The following GBE1 variants were observed in gnomAD, a reference collection of about 807,000 sequenced individuals.
GBE1 encodes the protein 1,4-alpha-glucan branching enzyme 1, also known as 1,4-alpha-glucan-branching enzyme.
GBE1 carries 70 observed loss-of-function variants against 88.8 expected under a neutral mutation model. That is an observed-to-expected ratio of 0.79 (90% confidence interval 0.65 to 0.96). The LOEUF (loss-of-function observed/expected upper bound fraction) is 0.96, where lower values mean the gene tolerates loss of function less well. Ranked by LOEUF, GBE1 falls within the 40% of genes least tolerant of loss-of-function variation. The pLI is 0.00. For missense variants in GBE1, 872 were observed against 871.0 expected (o/e 1.00, Z -0.01); for synonymous variants, 284 against 300.1 (o/e 0.95, Z 0.56).
chr3:81,725,339 A>G (rs1415978220), intron 1 of GBE1, among the ~76,000 whole-genome samples: 1 of 151,824 alleles, frequency 6.6e-6, no homozygotes, highest in African/African-American at 2.4e-5. Flanking sequence ...CTTTCCTTAT[A>G]TCTTTTGGCC....
Position 81,490,063 on chromosome 3 carries a change from T to A in GBE1, c.*344A>T, listed in dbSNP as rs1702417051. ...TACTGTGTACATTTAACAGAAATAA[T>A]CATACATGACAAATGATTCAAATTT... On this transcript the variant is annotated 3_prime_UTR_variant, in exon 16 of 16. Transcript: ENST00000429644. 1 of 230,548 alleles carries A rather than the reference T, an allele frequency of 4.3e-6. No individual in the cohort carries two copies. Among genetic ancestry groups the A allele is most frequent in the Non-Finnish European group, 8.4e-6 (1 of 119,228 alleles). 14.3% of individuals were successfully genotyped at this position (230,548 alleles called of 1,614,324 possible).
chr3:81,654,768 C>A (rs1704906859), intron 3 of GBE1: 1 of 152,134 alleles, frequency 6.6e-6, no homozygotes, highest in African/African-American at 2.4e-5. Context: ...AAAAATACTA[C>A]TTCCACTTCT....
intron 5 of GBE1, 60 bp from the exon 6 acceptor site, chr3:81,646,542 GA>G (rs1179543225): frequency 2.1e-5 from 19 of 892,510 alleles, no homozygotes; most frequent in Admixed American, 5.0e-5. Context: ...AAGTAATGGG[GA>G]AAAAAAGCAT....
intron 15 of GBE1, among the ~76,000 whole-genome samples, chr3:81,498,144 GC>G (rs753708802): frequency 5.3e-5 from 8 of 152,012 alleles, no homozygotes; most frequent in Non-Finnish European, 8.8e-5. Flanking sequence ...TGTAATCCCT[GC>G]TCTTTTCAAT....
chr3:81,595,348 T>C (rs1703943434), intron 7 of GBE1, among the ~76,000 whole-genome samples: 1 of 151,810 alleles, frequency 6.6e-6, no homozygotes, highest in South Asian at 2.1e-4. Flanking sequence ...CACTCTATTT[T>C]GCATAGGAAT....
chr3:81,630,337 T>C (rs995807779), intron 7 of GBE1, among the ~76,000 whole-genome samples: 2 of 151,930 alleles, frequency 1.3e-5, no homozygotes, highest in African/African-American at 2.4e-5. Context: ...AAAATGGCCA[T>C]CCCCATCAAG....
At chr3:81,716,209 C>A (rs139069885) in intron 1 of GBE1, among the ~76,000 whole-genome samples, 95 of 152,110 alleles carry the variant, frequency 6.2e-4, no homozygotes, top group Middle Eastern at 6.8e-3. Context: ...CTTACTTAGT[C>A]TAAAGTTAAG....
At chr3:81,711,138 G>A (rs1705859395) in intron 1 of GBE1, among the ~76,000 whole-genome samples, 1 of 152,190 alleles carries the variant, frequency 6.6e-6, no homozygotes, top group East Asian at 1.9e-4. Flanking sequence ...AGACATCTCA[G>A]CGGAGATGGA....
intron 7 of GBE1, chr3:81,612,651 C>T (rs1704198402): frequency 1.8e-6 from 1 of 562,868 alleles, no homozygotes; most frequent in East Asian, 4.5e-5. Flanking sequence ...TTCTATTCGA[C>T]TTTCAAAATC....
At chr3:81,639,763 G>C (rs1352020714) in intron 7 of GBE1, among the ~76,000 whole-genome samples, 1 of 152,104 alleles carries the variant, frequency 6.6e-6, no homozygotes, top group Non-Finnish European at 1.5e-5. Context: ...AGTGGGCTAG[G>C]AGGAGGGGAT....
chr3:81,649,909 T>A lies in GBE1; in HGVS notation c.442A>T (p.Ser148Cys), dbSNP rs1440264708. 1 of 1,607,124 alleles carries A rather than the reference T, an allele frequency of 6.2e-7. No individual in the cohort carries two copies. The change falls in exon 4 of 16, where the codon AGT becomes TGT. Residue 148 changes from serine (S) to cysteine (C), a missense_variant. Physicochemically the swap from Ser to Cys is moderately radical, Grantham distance 112 (BLOSUM62 -1). Coordinates refer to ENST00000429644, the MANE Select transcript of GBE1 (RefSeq NM_000158.4). ...CGATACAAGATCTCTCCGCTTTTACTAGTAATAACTACCTAAAAAGAGAAT... is the reference window on the plus strand; with the variant it reads ...CGATACAAGATCTCTCCGCTTTTACAAGTAATAACTACCTAAAAAGAGAAT... The part of the protein sequence containing the change: ...HGSKLKVVIT[S>C]KSGEILYRIS...
intron 1 of GBE1, among the ~76,000 whole-genome samples, chr3:81,721,962 TTA>T (rs768205887): frequency 1.4e-3 from 214 of 152,310 alleles, no homozygotes; most frequent in Middle Eastern, 3.4e-3. Context: ...TTAAGCTACT[TTA>T]CTAAGGGCAC....
At chr3:81,546,209 C>T in intron 12 of GBE1, among the ~76,000 whole-genome samples, 1 of 151,710 alleles carries the variant, frequency 6.6e-6, no homozygotes, top group South Asian at 2.1e-4. Context: ...TGCACACACA[C>T]ACACAAACTC....
At chr3:81,700,195 T>C (rs1284111393) in intron 2 of GBE1, among the ~76,000 whole-genome samples, 1 of 152,134 alleles carries the variant, frequency 6.6e-6, no homozygotes, top group Non-Finnish European at 1.5e-5. Context: ...TAAAATGTCA[T>C]GCCACAGTGA....
At chr3:81,618,006 C>A (rs1704274082) in intron 7 of GBE1, among the ~76,000 whole-genome samples, 1 of 151,894 alleles carries the variant, frequency 6.6e-6, no homozygotes, top group African/African-American at 2.4e-5. Flanking sequence ...TAGAGTTATT[C>A]CTAGTATCCT....
intron 9 of GBE1, among the ~76,000 whole-genome samples, chr3:81,590,125 AT>A (rs1289868634): frequency 6.6e-6 from 1 of 152,082 alleles, no homozygotes; most frequent in East Asian, 1.9e-4. Flanking sequence ...AAATCATACC[AT>A]TTATAAAATT....
In GBE1 at chr3:81,490,117, G is replaced by A. The variant is rs1432013105; in HGVS notation, c.*290C>T. The A allele has an allele frequency of 3.1e-6, 1 of 325,310 alleles. No homozygotes were observed. Among genetic ancestry groups the A allele is most frequent in the Non-Finnish European group, 5.6e-6 (1 of 179,848 alleles). 20.2% of individuals were successfully genotyped at this position (325,310 alleles called of 1,614,324 possible). On this transcript the variant is annotated 3_prime_UTR_variant, in exon 16 of 16. Coordinates refer to ENST00000429644, the MANE Select transcript of GBE1 (RefSeq NM_000158.4). ...TTTAAAAGGATCAAATAATTAGCCAGGAAAGCAAAATGTTTTTAACATATT... is the reference window on the plus strand; with the variant it reads ...TTTAAAAGGATCAAATAATTAGCCAAGAAAGCAAAATGTTTTTAACATATT...
intron 14 of GBE1, among the ~76,000 whole-genome samples, chr3:81,520,158 C>T (rs1377567248): frequency 6.6e-6 from 1 of 151,388 alleles, no homozygotes; most frequent in Non-Finnish European, 1.5e-5. Flanking sequence ...AAAATACAGT[C>T]ACAAGTTGCT....
At chr3:81,665,463 G>A (rs2107105165) in intron 3 of GBE1, among the ~76,000 whole-genome samples, 1 of 151,534 alleles carries the variant, frequency 6.6e-6, no homozygotes, top group Middle Eastern at 3.4e-3. Flanking sequence ...GTGAACCCGG[G>A]AGGCAGAGCT....
Sources: gnomAD v4.1 joint callset for allele counts (sites outside exome capture counted in the v4.1 genomes callset) on GRCh38, gnomAD v4.1.1 for gene constraint, MANE v1.5 for transcripts, NCBI Gene and HGNC (gene_info 2026-07-23, HGNC 2026-07-21) for gene names.